The following HBEGF variants were observed in gnomAD, a reference collection of about 807,000 sequenced individuals.
HBEGF encodes the protein proheparin-binding EGF-like growth factor.
A neutral mutation model predicts 19.5 loss-of-function variants in HBEGF; 8 were observed. The observed-to-expected ratio is 0.41, with a 90% CI of 0.24 to 0.74. The LOEUF (loss-of-function observed/expected upper bound fraction) is 0.74. HBEGF is among the 30% of genes least tolerant of loss of function. The pLI is 0.32. For missense variants in HBEGF, 207 were observed against 256.9 expected (o/e 0.81, Z 1.33); for synonymous variants, 97 against 108.9 (o/e 0.89, Z 0.68).
At chr5:140,336,828 CTTTTTTTTTTTT>C (rs1160533557) in intron 3 of HBEGF, among the ~76,000 whole-genome samples, 2 of 129,814 alleles carry the variant, frequency 1.5e-5, no homozygotes, top group Non-Finnish European at 3.2e-5. Context: ...TTTTCTTTTT[CTTTTTTTTTTTT>C]TTTTTTTGAG....
At chr5:140,340,694 A>G (rs574427255) in intron 3 of HBEGF, among the ~76,000 whole-genome samples, 2 of 152,190 alleles carry the variant, frequency 1.3e-5, no homozygotes, top group Non-Finnish European at 2.9e-5. Context: ...GTGCTGTTAG[A>G]CTAGTAAAAG....
At chr5:140,338,813 A>G (rs577700687) in intron 3 of HBEGF, among the ~76,000 whole-genome samples, 2 of 152,274 alleles carry the variant, frequency 1.3e-5, no homozygotes, top group African/African-American at 2.4e-5. Flanking sequence ...CAGAACTTGT[A>G]TTACAACAGA....
chr5:140,344,277 C>T (rs562106981), intron 2 of HBEGF, among the ~76,000 whole-genome samples: 1 of 152,308 alleles, frequency 6.6e-6, no homozygotes, highest in East Asian at 1.9e-4. Flanking sequence ...GCCTCACACA[C>T]TCCCATCTCC....
chr5:140,346,576 G>T lies in HBEGF; in HGVS notation c.-248C>A, dbSNP rs1581115310. ...CGCCTAGGTCAGGCCAGCCAGCAGC[G>T]TGGCCCGCGTAGCTCCTTCGGCCGA... On this transcript the variant is annotated 5_prime_UTR_variant, in exon 1 of 6. Transcript: ENST00000230990. The surrounding 1 kb of genome is among the most constrained non-coding windows in gnomAD (Gnocchi z 6.1). The T allele has an allele frequency of 3.6e-6, 2 of 555,758 alleles. No homozygotes were observed. The highest frequency in any genetic ancestry group is 6.4e-6 in the Non-Finnish European group (2 of 314,392). 34.4% of individuals were successfully genotyped at this position (555,758 alleles called of 1,614,324 possible).
rs186345460 is a variant in HBEGF, at chr5:140,333,762, A to T, written c.*537T>A. On this transcript the variant is annotated 3_prime_UTR_variant, in exon 6 of 6. Transcript: ENST00000230990. ...GTTGTTATTTTTCCATCTGGGTAGA[A>T]GTCCCAAAATTCAGTTCTCAGGCTT... The T allele has an allele frequency of 9.2e-5, 14 of 152,806 alleles. No individual in the cohort carries two copies. The East Asian group carries it at 1.9e-3, about 21-fold the overall frequency. 9.5% of individuals were successfully genotyped at this position (152,806 alleles called of 1,614,324 possible).
chr5:140,339,745 C>G (rs965501498), intron 3 of HBEGF, among the ~76,000 whole-genome samples: 1 of 151,904 alleles, frequency 6.6e-6, no homozygotes, highest in African/African-American at 2.4e-5. Flanking sequence ...AAGGGTTTTC[C>G]TGTTCATGGT....
chr5:140,342,876 G>T, intron 2 of HBEGF, 64 bp from the exon 3 acceptor site: 1 of 1,527,018 alleles, frequency 6.5e-7, no homozygotes, highest in Non-Finnish European at 9.1e-7. Flanking sequence ...AGAGCATAGT[G>T]CTTGAAAGGA....
chr5:140,344,151 GA>G (rs1424153221), intron 2 of HBEGF, among the ~76,000 whole-genome samples: 1 of 150,478 alleles, frequency 6.6e-6, no homozygotes, highest in Non-Finnish European at 1.5e-5. Context: ...AAAAAAAAAA[GA>G]AAAAAAGAAA....
Position 140,334,047 on chromosome 5 carries a change from G to T in HBEGF, c.*252C>A, listed in dbSNP as rs1766191741. On this transcript the variant is annotated 3_prime_UTR_variant, in exon 6 of 6. Transcript: ENST00000230990. ...AGGGGAAGTGGGGTTTGGTGGAGGGGAATCAGAAGGGCATGAAGGTCCCTT... is the reference window on the plus strand; with the variant it reads ...AGGGGAAGTGGGGTTTGGTGGAGGGTAATCAGAAGGGCATGAAGGTCCCTT... 1 of 152,626 alleles carries T rather than the reference G, an allele frequency of 6.6e-6. No homozygotes were observed. The highest frequency in any genetic ancestry group is 6.6e-5 in the Admixed American group (1 of 15,258). The allele number at this position is 152,626 out of a possible 1,614,324, so 9.5% of individuals were successfully genotyped here. A position where few individuals can be genotyped will look rare whatever the true frequency, so the allele number is the denominator to read the frequency against.
At chr5:140,334,608 G>A in intron 5 of HBEGF, 50 bp downstream of exon 5, 1 of 1,293,774 alleles carries the variant, frequency 7.7e-7, no homozygotes, top group South Asian at 1.2e-5. Flanking sequence ...GCACAGCCAG[G>A]AAAGGGGACA....
At chr5:140,345,365 C>T (rs4150199) in intron 2 of HBEGF, among the ~76,000 whole-genome samples, 8 of 152,118 alleles carry the variant, frequency 5.3e-5, no homozygotes, top group Non-Finnish European at 8.8e-5. Context: ...TAATACAGCC[C>T]CCTAGGGGCT....
In HBEGF at chr5:140,333,848, T is replaced by C. The variant is rs1431455010; in HGVS notation, c.*451A>G. 6.6e-6 allele frequency: 1 copy of C among 152,630 alleles called. No homozygotes were observed. 9.5% of individuals were successfully genotyped at this position (152,630 alleles called of 1,614,324 possible). The stretch of plus-strand genomic sequence containing the variant: ...TGGAGGGTCCCAATGGCAGATCCCT[T>C]GGTGGTACTTGAGTACATGGCTTCT... On this transcript the variant is annotated 3_prime_UTR_variant, in exon 6 of 6. Coordinates refer to ENST00000230990, the MANE Select transcript of HBEGF (RefSeq NM_001945.3).
In HBEGF at chr5:140,341,804, C is replaced by T. The variant is rs11465440; in HGVS notation, c.398+831G>A. 1.0e-3 allele frequency among the ~76,000 whole-genome samples: 156 copies of T among 152,312 alleles called. 1 individual carries two copies. Among genetic ancestry groups the T allele is most frequent in the Non-Finnish European group, 1.7e-3 (117 of 68,020 alleles). ...CCTGACGCAGGGTGTTGGCCTCAGG[C>T]ACAGTGGCAACATTATGCCTGCCAG... On this transcript the variant is annotated intron_variant, in intron 3 of 5. Transcript: ENST00000230990.
intron 5 of HBEGF, 90 bp from the exon 6 acceptor site, chr5:140,334,370 T>C (rs1250883863): frequency 2.8e-6 from 1 of 361,602 alleles, no homozygotes; most frequent in Admixed American, 4.4e-5. Flanking sequence ...TTTTTAAACT[T>C]TTTGAGACAG....
intron 3 of HBEGF, among the ~76,000 whole-genome samples, chr5:140,336,280 C>A (rs1437131185): frequency 6.6e-6 from 1 of 152,262 alleles, no homozygotes; most frequent in South Asian, 2.1e-4. Flanking sequence ...GCTGAGAATC[C>A]TGTTCTAGGC....
rs1039023068 is a variant in HBEGF at position 140,333,671 on chromosome 5, T to G, written c.*628A>C. ...TTAGATTGTTAAAAACTAAATAAAT[T>G]AACATACATAGAATAAAATAAATAT... On this transcript the variant is annotated 3_prime_UTR_variant, in exon 6 of 6. Transcript: ENST00000230990. 3.9e-5 allele frequency: 6 copies of G among 152,576 alleles called. No individual in the cohort carries two copies. The highest frequency in any genetic ancestry group is 1.4e-4 in the African/African-American group (6 of 41,420). 9.5% of individuals were successfully genotyped at this position (152,576 alleles called of 1,614,324 possible).
Position 140,334,736 on chromosome 5 carries a change from T to C in HBEGF, c.567A>G (p.Arg189=). The part of the protein sequence containing the change: ...VGLLMFRYHR[R]GGYDVENEEK... ...CTTCATTTTCCACATCATAACCTCCTCTCCTATGGTACCTGAGGAAGATAA... is the reference window on the plus strand; with the variant it reads ...CTTCATTTTCCACATCATAACCTCCCCTCCTATGGTACCTGAGGAAGATAA... Residue 189 remains arginine, a synonymous_variant, in exon 5 of 6, where the codon AGA becomes AGG. Transcript: ENST00000230990. 1.2e-6 allele frequency: 2 copies of C among 1,613,432 alleles called. No homozygotes were observed. Among genetic ancestry groups the C allele is most frequent in the Non-Finnish European group, 1.7e-6 (2 of 1,179,412 alleles).
chr5:140,343,096 G>C (rs1561542754), intron 2 of HBEGF: 3 of 383,440 alleles, frequency 7.8e-6, no homozygotes, highest in Non-Finnish European at 1.4e-5. Flanking sequence ...CTTTTGTTGA[G>C]TAACTGGGCA....
chr5:140,342,914 T>C (rs1352721448), intron 2 of HBEGF, 102 bp from the exon 3 acceptor site: 2 of 1,244,416 alleles, frequency 1.6e-6, no homozygotes, highest in Non-Finnish European at 2.3e-6. Flanking sequence ...CCACCTGAAG[T>C]CAGAGATCTG....
Sources: gnomAD v4.1 joint callset for allele counts (sites outside exome capture counted in the v4.1 genomes callset) on GRCh38, gnomAD v4.1.1 for gene constraint, Gnocchi (gnomAD v3.1) non-coding constraint, MANE v1.5 for transcripts, NCBI Gene and HGNC (gene_info 2026-07-23, HGNC 2026-07-21) for gene names.